Variants in ROBO2 observed in about 807,000 individuals in gnomAD.
ROBO2 encodes roundabout guidance receptor 2, also known as roundabout homolog 2.
ROBO2 carries 53 observed loss-of-function variants against 160.8 expected under a neutral mutation model. The ratio of observed to expected loss-of-function variants is 0.33; its 90% CI spans 0.26 to 0.41. The LOEUF (loss-of-function observed/expected upper bound fraction) is 0.41. Ranked by LOEUF, ROBO2 falls within the 10% of genes least tolerant of loss-of-function variation. ROBO2 has a pLI of 1.00. For missense variants in ROBO2, 1,577 were observed against 1,722.4 expected, an observed-to-expected ratio of 0.92 and a Z score of 1.49; for synonymous variants, 664 against 611.7, an observed-to-expected ratio of 1.09 and a Z score of -1.26.
At chr3:76,702,933 T>C (rs2093078120) in intron 2 of ROBO2, among the ~76,000 whole-genome samples, 1 of 152,118 alleles carries the variant, frequency 6.6e-6, no homozygotes, top group African/African-American at 2.4e-5. Context: ...TTCCTATGCT[T>C]CTAGAAAATA....
chr3:77,374,960 G>A (rs889810487), intron 2 of ROBO2, among the ~76,000 whole-genome samples: 2 of 152,308 alleles, frequency 1.3e-5, no homozygotes, highest in East Asian at 3.9e-4. Context: ...TGTAATCCCG[G>A]CGCTTTGGAA....
intron 2 of ROBO2, among the ~76,000 whole-genome samples, chr3:76,822,515 T>C (rs1258748631): frequency 6.6e-6 from 1 of 152,016 alleles, no homozygotes; most frequent in African/African-American, 2.4e-5. Context: ...GTAACATTTG[T>C]TGATAATTTA....
chr3:76,657,307 C>T (rs1324395051), intron 2 of ROBO2, among the ~76,000 whole-genome samples: 2 of 151,840 alleles, frequency 1.3e-5, no homozygotes, highest in Non-Finnish European at 2.9e-5. Context: ...CGCCTGTAGT[C>T]CCAGCTACTC....
intron 2 of ROBO2, among the ~76,000 whole-genome samples, chr3:76,086,156 T>G (rs1041412188): frequency 2.6e-5 from 4 of 152,086 alleles, no homozygotes; most frequent in African/African-American, 9.7e-5. Flanking sequence ...ACGGCCTGGC[T>G]GCAGAAGCCT....
chr3:77,495,631 A>C (rs1387682258), intron 5 of ROBO2, among the ~76,000 whole-genome samples: 1 of 152,152 alleles, frequency 6.6e-6, no homozygotes, highest in African/African-American at 2.4e-5. Context: ...CAGGTATGCT[A>C]TCGAATGTGC....
chr3:77,473,703 A>C (rs1252981153), intron 2 of ROBO2, among the ~76,000 whole-genome samples: 1 of 151,384 alleles, frequency 6.6e-6, no homozygotes, highest in African/African-American at 2.4e-5. Context: ...TGATCCACCC[A>C]CCTCGGCCTC....
At chr3:76,629,252 A>G (rs778966210) in intron 2 of ROBO2, among the ~76,000 whole-genome samples, 2 of 152,238 alleles carry the variant, frequency 1.3e-5, no homozygotes, top group African/African-American at 2.4e-5. Flanking sequence ...CAACCAAAAT[A>G]TAGTAACAAT....
chr3:76,092,326 G>C (rs137889197), intron 2 of ROBO2, among the ~76,000 whole-genome samples: 1 of 152,092 alleles, frequency 6.6e-6, no homozygotes, highest in Admixed American at 6.6e-5. Flanking sequence ...TTTATTGCTA[G>C]CTTGACCCTA....
chr3:76,327,929 CATGTGG>C (rs1312742405), intron 2 of ROBO2, among the ~76,000 whole-genome samples: 4 of 151,408 alleles, frequency 2.6e-5, no homozygotes, highest in African/African-American at 9.7e-5. Context: ...TCTTCAGAAT[CATGTGG>C]AAATAGGAAA....
chr3:76,210,632 T>C (rs1308548733), intron 2 of ROBO2, among the ~76,000 whole-genome samples: 1 of 152,120 alleles, frequency 6.6e-6, no homozygotes, highest in Non-Finnish European at 1.5e-5. Flanking sequence ...GATTGAAAAA[T>C]TCTATCTAGC....
chr3:77,361,249 GTT>G (rs1560621443), intron 2 of ROBO2, among the ~76,000 whole-genome samples: 2 of 152,014 alleles, frequency 1.3e-5, no homozygotes, highest in African/African-American at 4.8e-5. Context: ...AGAGCAAATC[GTT>G]TTGTTTTGTT....
chr3:77,037,018 T>G (rs2063676295), upstream of ROBO2, among the ~76,000 whole-genome samples: 1 of 151,654 alleles, frequency 6.6e-6, no homozygotes, highest in Non-Finnish European at 1.5e-5. Flanking sequence ...TAAGTGTAAT[T>G]GAAATATGCA....
At chr3:77,301,912 C>G (rs559110816) in intron 2 of ROBO2, among the ~76,000 whole-genome samples, 2 of 144,070 alleles carry the variant, frequency 1.4e-5, no homozygotes, top group African/African-American at 2.6e-5. Context: ...TTATTTCTTT[C>G]TTTTTTAAGA....
At chr3:76,344,994 G>A (rs532912174) in intron 2 of ROBO2, among the ~76,000 whole-genome samples, 1 of 152,184 alleles carries the variant, frequency 6.6e-6, no homozygotes, top group African/African-American at 2.4e-5. Context: ...GTTATTTCTA[G>A]ACCTGGATTT....
At chr3:77,632,414 G>A (rs2095182074) in intron 23 of ROBO2, 1 of 1,312,592 alleles carries the variant, frequency 7.6e-7, no homozygotes, top group Non-Finnish European at 1.0e-6. Flanking sequence ...AGTATAGTGT[G>A]TACAAGCAGA....
intron 2 of ROBO2, among the ~76,000 whole-genome samples, chr3:76,437,722 T>G (rs1395475702): frequency 6.6e-6 from 1 of 152,160 alleles, no homozygotes; most frequent in Non-Finnish European, 1.5e-5. Context: ...GTGAGTCTTG[T>G]GCTGTACTCA....
At chr3:76,670,973 T>C (rs2092242968) in intron 2 of ROBO2, among the ~76,000 whole-genome samples, 1 of 152,046 alleles carries the variant, frequency 6.6e-6, no homozygotes, top group African/African-American at 2.4e-5. Flanking sequence ...CTATTCTATA[T>C]GCTATGAATA....
intron 2 of ROBO2, among the ~76,000 whole-genome samples, chr3:77,243,066 C>A (rs2089263280): frequency 6.6e-6 from 1 of 151,406 alleles, no homozygotes; most frequent in Non-Finnish European, 1.5e-5. Flanking sequence ...TCCAACCTAT[C>A]TTAGCCAACT....
At chr3:76,312,498 C>A (rs913766807) in intron 2 of ROBO2, among the ~76,000 whole-genome samples, 1 of 152,130 alleles carries the variant, frequency 6.6e-6, no homozygotes, top group African/African-American at 2.4e-5. Context: ...GGAAAAGTTC[C>A]AACAGGCACT....
Sources: allele counts gnomAD v4.1 joint callset (sites outside exome capture counted in the v4.1 genomes callset), GRCh38; gene constraint gnomAD v4.1.1; transcripts MANE v1.5; gene names NCBI Gene and HGNC (gene_info 2026-07-23, HGNC 2026-07-21).